TVP23A: variants seen among roughly 807,000 people sequenced by gnomAD.
TVP23A encodes the protein Golgi apparatus membrane protein TVP23 homolog A.
A neutral mutation model predicts 31.7 loss-of-function variants in TVP23A; 21 were observed. The ratio of observed to expected loss-of-function variants is 0.66; its 90% CI spans 0.47 to 0.95. The LOEUF (loss-of-function observed/expected upper bound fraction) is 0.95. Ranked by LOEUF, TVP23A falls within the 40% of genes least tolerant of loss-of-function variation. TVP23A has a pLI of 0.00. For missense variants in TVP23A, 279 were observed against 255.6 expected, an observed-to-expected ratio of 1.09 and a Z score of -0.62; for synonymous variants, 104 against 96.0, an observed-to-expected ratio of 1.08 and a Z score of -0.49.
downstream of TVP23A, among the ~76,000 whole-genome samples, chr16:10,758,346 G>C (rs561261883): frequency 2.0e-5 from 3 of 151,992 alleles, no homozygotes; most frequent in Non-Finnish European, 4.4e-5. Flanking sequence ...GGTGGCTCGC[G>C]CCTGTAGTTC....
intron 2 of TVP23A, among the ~76,000 whole-genome samples, chr16:10,781,964 C>T (rs1445150377): frequency 7.0e-6 from 1 of 143,604 alleles, no homozygotes; most frequent in Non-Finnish European, 1.5e-5. Flanking sequence ...CGGGTTCAAG[C>T]AATTATCCTG....
intron 2 of TVP23A, among the ~76,000 whole-genome samples, chr16:10,795,502 T>C (rs1279607449): frequency 6.6e-6 from 1 of 152,070 alleles, no homozygotes; most frequent in Non-Finnish European, 1.5e-5. Context: ...CTGCCTGCCT[T>C]GGCCTCCTCA....
intron 2 of TVP23A, among the ~76,000 whole-genome samples, chr16:10,782,534 ACT>A (rs1328667323): frequency 1.3e-5 from 2 of 151,858 alleles, no homozygotes; most frequent in Non-Finnish European, 2.9e-5. Flanking sequence ...ACAGGGTCTC[ACT>A]CTGTCTCCCA....
At chr16:10,792,386 G>A (rs899417854) in intron 2 of TVP23A, among the ~76,000 whole-genome samples, 1 of 152,120 alleles carries the variant, frequency 6.6e-6, no homozygotes, top group Non-Finnish European at 1.5e-5. Context: ...TGTTTGCCCA[G>A]GAAGAAGTAC....
At chr16:10,807,105 A>G (rs1567314095) in intron 2 of TVP23A, among the ~76,000 whole-genome samples, 1 of 152,214 alleles carries the variant, frequency 6.6e-6, no homozygotes, top group Non-Finnish European at 1.5e-5. Context: ...TTTGTTCCCC[A>G]AAAGCTCAGG....
chr16:10,796,418 G>GATTTTATTTTATTTTATTTT (rs370573686), intron 2 of TVP23A, among the ~76,000 whole-genome samples: 1 of 151,598 alleles, frequency 6.6e-6, no homozygotes, highest in African/African-American at 2.4e-5. Flanking sequence ...TAGTAAAAGG[G>GATTTTATTTTATTTTATTTT]ATTTTATTTT....
At position 10,777,788 on chromosome 16, in the gene TVP23A, G is replaced by A. The variant is rs1203673550; in HGVS notation, c.90-2692C>T. On this transcript the variant is annotated intron_variant, in intron 2 of 7. Coordinates refer to ENST00000299866, the MANE Select transcript of TVP23A (RefSeq NM_001079512.4). This position sits in a 1 kb window ranked among gnomAD's most constrained non-coding sequence, Gnocchi z 4.5. ...GCACTTTGGGAGGCTGAGGCAGGTGGATCACGAGGTCAAGAGACTGAGACC... is the reference window on the plus strand; with the variant it reads ...GCACTTTGGGAGGCTGAGGCAGGTGAATCACGAGGTCAAGAGACTGAGACC... 6.6e-6 allele frequency among the ~76,000 whole-genome samples: 1 copy of A among 151,982 alleles called. No homozygotes were observed. The highest frequency in any genetic ancestry group is 6.6e-5 in the Admixed American group (1 of 15,250).
intron 2 of TVP23A, among the ~76,000 whole-genome samples, chr16:10,807,231 A>C (rs1466379206): frequency 6.6e-6 from 1 of 152,162 alleles, no homozygotes; most frequent in African/African-American, 2.4e-5. Flanking sequence ...ATGTGTGTGC[A>C]TGTCTGTGCG....
chr16:10,794,007 C>T (rs1439067248), intron 2 of TVP23A, among the ~76,000 whole-genome samples: 9 of 151,124 alleles, frequency 6.0e-5, no homozygotes, highest in African/African-American at 2.2e-4. Flanking sequence ...GGTGAGGGTC[C>T]GGTCTCTGCT....
Position 10,818,570 on chromosome 16 carries a change from C to T in TVP23A, c.-77G>A, listed in dbSNP as rs1418734150. The T allele has an allele frequency of 1.3e-6, 2 of 1,539,540 alleles. No individual in the cohort carries two copies. Among genetic ancestry groups the T allele is most frequent in the South Asian group, 1.2e-5 (1 of 83,824 alleles). On this transcript the variant is annotated 5_prime_UTR_variant, in exon 1 of 8. Transcript: ENST00000299866. This position sits in a 1 kb window ranked among gnomAD's most constrained non-coding sequence, Gnocchi z 4.7. ...CGTCGCCGCTGAAGGGGTCGGACGC[C>T]GGGCGGGCGGATGTAGGCAGCAGAC...
chr16:10,807,661 C>T (rs1283836640), intron 2 of TVP23A, among the ~76,000 whole-genome samples: 2 of 152,128 alleles, frequency 1.3e-5, no homozygotes. Context: ...ATCCATAGTG[C>T]CAAGGCTGAG....
rs1251384497 is a variant in TVP23A at position 10,767,225 on chromosome 16, C to T, written c.*1877G>A. On this transcript the variant is annotated 3_prime_UTR_variant, in exon 8 of 8. Transcript: ENST00000299866. This position sits in a 1 kb window ranked among gnomAD's most constrained non-coding sequence, Gnocchi z 4.6. Reference sequence around the variant, plus strand: ...GGGGGCTGGCAGGGCAGACTGGAGGCGAGAACACCCCCATTGACCCCTAGC... The same window carrying T: ...GGGGGCTGGCAGGGCAGACTGGAGGTGAGAACACCCCCATTGACCCCTAGC... The T allele has an allele frequency of 2.3e-5, 9 of 399,604 alleles. No homozygotes were observed. The highest frequency in any genetic ancestry group is 3.6e-5 in the East Asian group (1 of 28,140). 24.8% of individuals were successfully genotyped at this position (399,604 alleles called of 1,614,324 possible). A position where few individuals can be genotyped will look rare whatever the true frequency, so the allele number is the denominator to read the frequency against.
Position 10,777,184 on chromosome 16 carries a change from AG to A in TVP23A, c.90-2089del, listed in dbSNP as rs1019886283. On this transcript the variant is annotated intron_variant, in intron 2 of 7. Transcript: ENST00000299866. This position sits in a 1 kb window ranked among gnomAD's most constrained non-coding sequence, Gnocchi z 4.5. ...ACCTCAGGGCAGGGGAGGAAAAGGG[AG>A]GGATGAAAGGGACTCTTCCCAGCAC... is the stretch of plus-strand genomic sequence containing the variant. Among the ~76,000 whole-genome samples the A allele has an allele frequency of 3.3e-5, 5 of 152,098 alleles. No homozygotes were observed. Among genetic ancestry groups the A allele is most frequent in the African/African-American group, 9.7e-5 (4 of 41,406 alleles).
In TVP23A at chr16:10,818,577, G is replaced by T; in HGVS notation, c.-84C>A. ...GCTGAAGGGGTCGGACGCCGGGCGG[G>T]CGGATGTAGGCAGCAGACGGTGGAC... is the stretch of plus-strand genomic sequence containing the variant. On this transcript the variant is annotated 5_prime_UTR_variant, in exon 1 of 8. Transcript: ENST00000299866. The surrounding 1 kb of genome is among the most constrained non-coding windows in gnomAD (Gnocchi z 4.7). The T allele has an allele frequency of 6.6e-7, 1 of 1,511,318 alleles. No individual in the cohort carries two copies. 93.6% of individuals were successfully genotyped at this position (1,511,318 alleles called of 1,614,324 possible).
Position 10,767,976 on chromosome 16 carries a change from T to G in TVP23A, c.*1126A>C. 6.2e-7 allele frequency: 1 copy of G among 1,614,190 alleles called. No homozygotes were observed. Among genetic ancestry groups the G allele is most frequent in the African/African-American group, 1.3e-5 (1 of 75,050 alleles). ...AAGAATTGTGACAAAGGCCAGTCTT[T>G]TTTCATTGACGCCCCAGATTCCCCA... On this transcript the variant is annotated 3_prime_UTR_variant, in exon 8 of 8. Transcript: ENST00000299866. The surrounding 1 kb of genome is among the most constrained non-coding windows in gnomAD (Gnocchi z 4.6).
At chr16:10,778,602 T>G (rs1042432695) in intron 2 of TVP23A, among the ~76,000 whole-genome samples, 1 of 151,724 alleles carries the variant, frequency 6.6e-6, no homozygotes, top group Non-Finnish European at 1.5e-5. Flanking sequence ...TTGAACCTTG[T>G]AATCGAGTCA....
At chr16:10,774,930 A>T (rs1224879530) in intron 3 of TVP23A, 22 bp downstream of exon 3, 4 of 1,605,176 alleles carry the variant, frequency 2.5e-6, no homozygotes, top group East Asian at 4.5e-5. Context: ...GGAAGTGATG[A>T]CATCACACGA....
chr16:10,796,557 CA>C (rs1409708935), intron 2 of TVP23A, among the ~76,000 whole-genome samples: 1 of 152,046 alleles, frequency 6.6e-6, no homozygotes, highest in Non-Finnish European at 1.5e-5. Flanking sequence ...CTCAGCCTCC[CA>C]AGTAGCTGGG....
chr16:10,779,225 C>G lies in TVP23A; in HGVS notation c.90-4129G>C, dbSNP rs995961391. On this transcript the variant is annotated intron_variant, in intron 2 of 7. Transcript: ENST00000299866. The surrounding 1 kb of genome is among the most constrained non-coding windows in gnomAD (Gnocchi z 4.9). ...AGCCCAAAGCAAGTAGAAGAGGACG[C>G]CTGTTGCCCTTTTAAATGTTGCTTT... Among the ~76,000 whole-genome samples the G allele has an allele frequency of 6.6e-6, 1 of 152,134 alleles. No homozygotes were observed. The highest frequency in any genetic ancestry group is 2.4e-5 in the African/African-American group (1 of 41,430).
Sources: gnomAD v4.1 joint callset for allele counts (sites outside exome capture counted in the v4.1 genomes callset) on GRCh38, gnomAD v4.1.1 for gene constraint, Gnocchi (gnomAD v3.1) non-coding constraint, MANE v1.5 for transcripts, NCBI Gene and HGNC (gene_info 2026-07-23, HGNC 2026-07-21) for gene names.